Variants in CYYR1 observed in about 807,000 individuals in gnomAD.
CYYR1 encodes the protein cysteine and tyrosine-rich protein 1.
CYYR1 carries 14 observed loss-of-function variants against 15.2 expected under a neutral mutation model. That is an observed-to-expected ratio of 0.92 (90% CI 0.61 to 1.44). CYYR1 has a LOEUF of 1.44. Among genes scored for constraint, CYYR1 ranks in the 40% most tolerant of loss-of-function variants. CYYR1 has a pLI of 0.00. For missense variants in CYYR1, 228 were observed against 209.5 expected, an observed-to-expected ratio of 1.09 and a Z score of -0.54; for synonymous variants, 80 against 77.4, an observed-to-expected ratio of 1.03 and a Z score of -0.18.
intron 3 of CYYR1, chr21:26,471,008 C>T (rs564379376): frequency 2.6e-5 from 4 of 152,326 alleles, no homozygotes; most frequent in African/African-American, 9.6e-5. Context: ...TACAGTTTCC[C>T]CAGTGCTCCC....
At chr21:26,483,058 G>T (rs2830253) in intron 2 of CYYR1, among the ~76,000 whole-genome samples, 37,434 of 151,740 alleles carry the variant, frequency 0.25, 5,065 homozygotes, top group Non-Finnish European at 0.31. Context: ...TTTCTGGATC[G>T]ATTCTCTAAC....
chr21:26,542,668 C>G (rs937474677), intron 2 of CYYR1, among the ~76,000 whole-genome samples: 5 of 151,844 alleles, frequency 3.3e-5, no homozygotes, highest in Non-Finnish European at 5.9e-5. Flanking sequence ...AAAAGGCATA[C>G]AGATCAGAAA....
chr21:26,483,412 C>CAA (rs10533983), intron 2 of CYYR1: 244 of 897,724 alleles, frequency 2.7e-4, no homozygotes, highest in African/African-American at 3.2e-4. Flanking sequence ...TCTCTCCTAT[C>CAA]AAAAAAAAAA....
At position 26,468,201 on chromosome 21, in the gene CYYR1, CTTAAACAACATGA is replaced by C; in HGVS notation, c.*287_*299del. On this transcript the variant is annotated 3_prime_UTR_variant, in exon 4 of 4. Coordinates refer to ENST00000652641, the MANE Select transcript of CYYR1 (RefSeq NM_001320768.2). ...ATACTGAAACTTTCTTCACCTAGCC[CTTAAACAACATGA>C]TTATCAGATATTTTGTCAATTACAT... 1 of 371,910 alleles carries C rather than the reference CTTAAACAACATGA, an allele frequency of 2.7e-6. No homozygotes were observed. The highest frequency in any genetic ancestry group is 5.1e-6 in the Non-Finnish European group (1 of 195,774). 23.0% of individuals were successfully genotyped at this position (371,910 alleles called of 1,614,324 possible).
chr21:26,520,113 GAT>G (rs71183558), intron 2 of CYYR1, among the ~76,000 whole-genome samples: 5,454 of 120,640 alleles, frequency 0.045, 214 homozygotes, highest in Middle Eastern at 0.057. Flanking sequence ...AAACCCAGGA[GAT>G]ATATATATAT....
At chr21:26,505,340 G>A (rs1171145045) in intron 2 of CYYR1, among the ~76,000 whole-genome samples, 1 of 152,212 alleles carries the variant, frequency 6.6e-6, no homozygotes, top group Non-Finnish European at 1.5e-5. Flanking sequence ...AAGTTGCAAA[G>A]AAAGATGTGC....
chr21:26,559,357 C>T (rs572452431), intron 2 of CYYR1, among the ~76,000 whole-genome samples: 1 of 152,214 alleles, frequency 6.6e-6, no homozygotes, highest in South Asian at 2.1e-4. Context: ...ATATCTTCTC[C>T]AAGTGAGGGT....
chr21:26,486,960 A>G (rs2065257385), intron 2 of CYYR1, among the ~76,000 whole-genome samples: 1 of 152,096 alleles, frequency 6.6e-6, no homozygotes, highest in Admixed American at 6.6e-5. Flanking sequence ...AATGCATTTT[A>G]TAAAACTATA....
At chr21:26,538,585 ATC>A (rs1238843136) in intron 2 of CYYR1, among the ~76,000 whole-genome samples, 1 of 151,686 alleles carries the variant, frequency 6.6e-6, no homozygotes, top group Non-Finnish European at 1.5e-5. Context: ...TTTGCTCTCT[ATC>A]TCTATCTTCC....
chr21:26,539,084 A>G (rs111584497), intron 2 of CYYR1, among the ~76,000 whole-genome samples: 250 of 152,268 alleles, frequency 1.6e-3, no homozygotes, highest in African/African-American at 5.7e-3. Context: ...ACAGGTACCA[A>G]TTATACTACG....
At chr21:26,538,290 A>G (rs775311480) in intron 2 of CYYR1, among the ~76,000 whole-genome samples, 1 of 152,180 alleles carries the variant, frequency 6.6e-6, no homozygotes, top group Non-Finnish European at 1.5e-5. Flanking sequence ...TTCCACTTCC[A>G]ATCTTTGAGT....
intron 2 of CYYR1, chr21:26,552,256 G>C (rs1423545413): frequency 6.6e-6 from 1 of 152,086 alleles, no homozygotes; most frequent in East Asian, 1.9e-4. Context: ...GCCTTATTTT[G>C]GTAGTCCAGA....
chr21:26,496,530 A>T (rs951057068), intron 2 of CYYR1, among the ~76,000 whole-genome samples: 1 of 152,258 alleles, frequency 6.6e-6, no homozygotes, highest in Non-Finnish European at 1.5e-5. Flanking sequence ...GTACAAAATG[A>T]ATATTTAACA....
intron 2 of CYYR1, among the ~76,000 whole-genome samples, chr21:26,544,962 A>G (rs1978852539): frequency 6.6e-6 from 1 of 151,996 alleles, no homozygotes. Flanking sequence ...AAACAAAAAC[A>G]AAAAAGAAAA....
At chr21:26,556,269 T>G (rs192732625) in intron 2 of CYYR1, among the ~76,000 whole-genome samples, 1 of 152,296 alleles carries the variant, frequency 6.6e-6, no homozygotes, top group Admixed American at 6.5e-5. Flanking sequence ...AATGTCAGAT[T>G]TTTCATGTTT....
At chr21:26,516,240 C>T (rs1415145930) in intron 2 of CYYR1, among the ~76,000 whole-genome samples, 1 of 152,148 alleles carries the variant, frequency 6.6e-6, no homozygotes, top group Non-Finnish European at 1.5e-5. Context: ...ATGTAATTTG[C>T]ATTGTGACAG....
chr21:26,538,529 C>G (rs1022595609), intron 2 of CYYR1, among the ~76,000 whole-genome samples: 4 of 151,858 alleles, frequency 2.6e-5, no homozygotes, highest in African/African-American at 9.7e-5. Flanking sequence ...ATTTTTCCAC[C>G]ACTTTGTTTT....
chr21:26,514,306 G>T (rs1004507611), intron 2 of CYYR1, among the ~76,000 whole-genome samples: 30 of 152,170 alleles, frequency 2.0e-4, no homozygotes, highest in Non-Finnish European at 4.3e-4. Flanking sequence ...TGTTTTGGTT[G>T]TGGGGGAAGA....
intron 2 of CYYR1, among the ~76,000 whole-genome samples, chr21:26,483,689 G>A (rs895996878): frequency 2.6e-5 from 4 of 152,026 alleles, no homozygotes; most frequent in East Asian, 1.9e-4. Flanking sequence ...CTCTGGCTTC[G>A]CTTTGTCGGC....
Sources: gnomAD v4.1 joint callset for allele counts (sites outside exome capture counted in the v4.1 genomes callset) on GRCh38, gnomAD v4.1.1 for gene constraint, MANE v1.5 for transcripts, NCBI Gene and HGNC (gene_info 2026-07-23, HGNC 2026-07-21) for gene names.